The following ABCG1 variants were observed in gnomAD, a reference collection of about 807,000 sequenced individuals.
The protein encoded by ABCG1 is ATP binding cassette subfamily G member 1.
ABCG1 carries 29 observed loss-of-function variants against 69.2 expected under a neutral mutation model. The ratio of observed to expected loss-of-function variants is 0.42; its 90% CI spans 0.31 to 0.57. The LOEUF (loss-of-function observed/expected upper bound fraction) is 0.57. Among genes scored for constraint, ABCG1 ranks in the 20% least tolerant of loss-of-function variants. The probability of loss-of-function intolerance (pLI) is 0.15; values close to 1 mark genes in which losing one functional copy is unlikely to be tolerated. For missense variants in ABCG1, 718 were observed against 898.1 expected (o/e 0.80, Z 2.56); for synonymous variants, 370 against 374.8 (o/e 0.99, Z 0.15).
intron 2 of ABCG1, among the ~76,000 whole-genome samples, chr21:42,261,679 C>A (rs939184065): frequency 2.6e-5 from 4 of 152,152 alleles, no homozygotes; most frequent in Admixed American, 2.6e-4. Flanking sequence ...GGGAAGCTGG[C>A]GGGTGAGTGA....
intron 11 of ABCG1, 124 bp downstream of exon 11, chr21:42,290,342 T>C (rs2069033749): frequency 1.8e-6 from 2 of 1,090,154 alleles, no homozygotes; most frequent in Non-Finnish European, 2.6e-6. Flanking sequence ...TTTTTTAAAA[T>C]ATCATCTTCT....
chr21:42,240,512 G>A (rs989767424), intron 2 of ABCG1, among the ~76,000 whole-genome samples: 6 of 152,252 alleles, frequency 3.9e-5, no homozygotes, highest in South Asian at 2.1e-4. Flanking sequence ...GTGCAGTAGC[G>A]CAATCTCAGC....
upstream of ABCG1, among the ~76,000 whole-genome samples, chr21:42,211,365 A>G (rs983244547): frequency 1.7e-4 from 26 of 151,898 alleles, no homozygotes; most frequent in African/African-American, 6.3e-4. Flanking sequence ...TCTGTGTCTG[A>G]CCCACTTTCC....
intron 1 of ABCG1, chr21:42,220,118 C>G: frequency 7.1e-7 from 1 of 1,413,528 alleles, no homozygotes; most frequent in Non-Finnish European, 9.7e-7. Flanking sequence ...AAACAACAAA[C>G]CAATCATCAG....
intron 2 of ABCG1, among the ~76,000 whole-genome samples, chr21:42,263,231 G>A (rs2068443575): frequency 6.6e-6 from 1 of 152,198 alleles, no homozygotes; most frequent in Non-Finnish European, 1.5e-5. Context: ...GGGATTACTG[G>A]GGGGTAATCT....
At chr21:42,234,030 T>TG (rs1010512549) in intron 2 of ABCG1, among the ~76,000 whole-genome samples, 9 of 152,168 alleles carry the variant, frequency 5.9e-5, no homozygotes, top group South Asian at 2.1e-4. Context: ...AGTGTTTTTT[T>TG]TTGTTGTTGT....
chr21:42,215,473 C>T (rs973527164), upstream of ABCG1, among the ~76,000 whole-genome samples: 3 of 152,248 alleles, frequency 2.0e-5, no homozygotes, highest in Admixed American at 6.5e-5. Flanking sequence ...ATTGACTCCA[C>T]TCGAAGTCAA....
chr21:42,243,434 CCG>C (rs1491244381), intron 2 of ABCG1, among the ~76,000 whole-genome samples: 54 of 102,356 alleles, frequency 5.3e-4, no homozygotes, highest in Non-Finnish European at 8.0e-4. Context: ...TATTTTAATA[CCG>C]TGTGTGTGCG....
chr21:42,269,070 G>A (rs1255892650), intron 2 of ABCG1, among the ~76,000 whole-genome samples: 1 of 152,198 alleles, frequency 6.6e-6, no homozygotes, highest in East Asian at 1.9e-4. Context: ...GGTGGGTCGT[G>A]GCCATAGTCA....
chr21:42,222,056 C>T (rs943049961), intron 1 of ABCG1, among the ~76,000 whole-genome samples: 3 of 152,072 alleles, frequency 2.0e-5, no homozygotes, highest in African/African-American at 7.2e-5. Context: ...CTTACTATGA[C>T]GTACAATGTA....
Position 42,291,228 on chromosome 21 carries a change from C to A in ABCG1, c.1494+36C>A. 6.6e-7 allele frequency: 1 copy of A among 1,520,304 alleles called. No homozygotes were observed. Among genetic ancestry groups the A allele is most frequent in the Non-Finnish European group, 9.1e-7 (1 of 1,098,108 alleles). 94.2% of individuals were successfully genotyped at this position (1,520,304 alleles called of 1,614,324 possible). A position where few individuals can be genotyped will look rare whatever the true frequency, so the allele number is the denominator to read the frequency against. ...CAGGGGCTGGAATTTGAAACGGGGG[C>A]AAGAGTTCTCCTGTACACCCTTTAT... On this transcript the variant is annotated intron_variant, in intron 12 of 14. Coordinates refer to ENST00000398449, the MANE Select transcript of ABCG1 (RefSeq NM_016818.3). This position sits in a 1 kb window ranked among gnomAD's most constrained non-coding sequence, Gnocchi z 6.4.
At chr21:42,281,023 A>G (rs1053949826) in intron 5 of ABCG1, among the ~76,000 whole-genome samples, 8 of 152,236 alleles carry the variant, frequency 5.3e-5, no homozygotes, top group Admixed American at 6.5e-5. Context: ...GAGGTTCAGG[A>G]CAGGGCTGGA....
At chr21:42,250,655 G>C (rs1263088294) in intron 2 of ABCG1, among the ~76,000 whole-genome samples, 1 of 152,258 alleles carries the variant, frequency 6.6e-6, no homozygotes. Context: ...CACACAGTGA[G>C]CGCCAGTGGA....
At position 42,225,571 on chromosome 21, in the gene ABCG1, A is replaced by G; in HGVS notation, c.43-100A>G. On this transcript the variant is annotated intron_variant, in intron 1 of 14. Transcript: ENST00000398449. ...CTCCTGCAGTGGAAGAAGTGTTGCTATTAATAACCAATGACCCTGAGCCTC... is the reference window on the plus strand; with the variant it reads ...CTCCTGCAGTGGAAGAAGTGTTGCTGTTAATAACCAATGACCCTGAGCCTC... 3.4e-6 allele frequency: 5 copies of G among 1,450,852 alleles called. No individual in the cohort carries two copies. The South Asian group carries it at 6.4e-5, about 18-fold the overall frequency. 89.9% of individuals were successfully genotyped at this position (1,450,852 alleles called of 1,614,324 possible). A position where few individuals can be genotyped will look rare whatever the true frequency, so the allele number is the denominator to read the frequency against.
chr21:42,294,428 CTGCCCAGAAGG>C, intron 13 of ABCG1, 103 bp from the exon 14 acceptor site: 1 of 797,776 alleles, frequency 1.3e-6, no homozygotes, highest in Admixed American at 1.8e-5. Flanking sequence ...CATCATTACC[CTGCCCAGAAGG>C]TGCCCTGGCC....
chr21:42,253,527 G>A (rs569120869), intron 2 of ABCG1, among the ~76,000 whole-genome samples: 1 of 152,292 alleles, frequency 6.6e-6, no homozygotes, highest in East Asian at 1.9e-4. Context: ...AGGCAGTCAC[G>A]ATGCCATTGG....
intron 6 of ABCG1, 65 bp from the exon 7 acceptor site, chr21:42,284,495 G>T (rs866853733): frequency 1.9e-6 from 3 of 1,585,630 alleles, no homozygotes; most frequent in Non-Finnish European, 1.7e-6. Flanking sequence ...CTGGACCCCC[G>T]GAACCTGGGG....
chr21:42,292,582 C>G (rs2069084525), intron 13 of ABCG1, among the ~76,000 whole-genome samples: 1 of 151,854 alleles, frequency 6.6e-6, no homozygotes, highest in South Asian at 2.1e-4. Context: ...TGCACACACA[C>G]ACTACACACA....
chr21:42,259,165 T>C lies in ABCG1; in HGVS notation c.287-11905T>C, dbSNP rs3787987. ...TGCAAAGGCCCCTGCCTGGGAGACA[T>C]GTCTTGGTGTGAGAGAGACGACATT... On this transcript the variant is annotated intron_variant, in intron 2 of 14. Coordinates refer to ENST00000398449, the MANE Select transcript of ABCG1 (RefSeq NM_016818.3). 8 of 1,322,172 alleles carry C rather than the reference T, an allele frequency of 6.1e-6. No individual in the cohort carries two copies. In the South Asian group the frequency reaches 8.6e-5, roughly 14 times the overall value. The allele number at this position is 1,322,172 out of a possible 1,614,324, so 81.9% of individuals were successfully genotyped here.
Sources: allele counts gnomAD v4.1 joint callset (sites outside exome capture counted in the v4.1 genomes callset), GRCh38; gene constraint gnomAD v4.1.1; non-coding constraint Gnocchi (gnomAD v3.1); transcripts MANE v1.5; gene names NCBI Gene and HGNC (gene_info 2026-07-23, HGNC 2026-07-21).